The following XKR9 variants were observed in gnomAD, a reference collection of about 807,000 sequenced individuals.
The protein encoded by XKR9 is XK related 9, also known as XK-related protein 9.
XKR9 carries 32 observed loss-of-function variants against 32.0 expected under a neutral mutation model. The observed-to-expected ratio is 1.00, with a 90% CI of 0.76 to 1.34. XKR9 has a LOEUF of 1.34. Among genes scored for constraint, XKR9 ranks in the 40% most tolerant of loss-of-function variants. The pLI is 0.00. For missense variants in XKR9, 546 were observed against 429.7 expected, an observed-to-expected ratio of 1.27 and a Z score of -2.39; for synonymous variants, 168 against 143.4, an observed-to-expected ratio of 1.17 and a Z score of -1.22.
In XKR9 at chr8:70,735,018, C is replaced by T. The variant is rs1283909510; in HGVS notation, c.*594C>T. On this transcript the variant is annotated 3_prime_UTR_variant, in exon 5 of 5. Transcript: ENST00000408926. ...ATTTCCTAGCTTTTCTGAATTAATG[C>T]ACTCTTAACATATAATTATATTAAT... is the stretch of plus-strand genomic sequence containing the variant. 6.6e-6 allele frequency: 1 copy of T among 152,228 alleles called. No individual in the cohort carries two copies. Among genetic ancestry groups the T allele is most frequent in the Non-Finnish European group, 1.5e-5 (1 of 68,032 alleles). 9.4% of individuals were successfully genotyped at this position (152,228 alleles called of 1,614,324 possible).
the XKR9 span, among the ~76,000 whole-genome samples, chr8:71,038,463 G>A: frequency 4.6e-3 from 700 of 151,286 alleles, 10 homozygotes; most frequent in African/African-American, 0.016. Context: ...TGGAATTACA[G>A]GCACACACCA....
chr8:70,774,293 A>T (rs1563476372), intron 2 of XKR9, among the ~76,000 whole-genome samples: 2 of 152,110 alleles, frequency 1.3e-5, no homozygotes, highest in South Asian at 2.1e-4. Context: ...ATTTAATTTA[A>T]TTTTTTAACA....
At chr8:70,699,681 G>A (rs555273319) in intron 3 of XKR9, among the ~76,000 whole-genome samples, 2 of 152,236 alleles carry the variant, frequency 1.3e-5, no homozygotes, top group African/African-American at 4.8e-5. Context: ...TCTTCTCGAG[G>A]AGTATCTTTG....
chr8:71,036,136 C>T, the XKR9 span, among the ~76,000 whole-genome samples: 2 of 152,144 alleles, frequency 1.3e-5, no homozygotes, highest in African/African-American at 4.8e-5. Flanking sequence ...ATATGAAATA[C>T]ATTTATATGT....
chr8:70,748,240 A>G (rs1474745066), intron 2 of XKR9, among the ~76,000 whole-genome samples: 1 of 152,128 alleles, frequency 6.6e-6, no homozygotes, highest in Non-Finnish European at 1.5e-5. Flanking sequence ...CCTGCCCCCT[A>G]CTGAGTCAGT....
intron 3 of XKR9, among the ~76,000 whole-genome samples, chr8:70,702,125 C>A (rs911477563): frequency 1.3e-5 from 2 of 151,988 alleles, no homozygotes; most frequent in Admixed American, 6.6e-5. Context: ...ACCTATTTTT[C>A]AATTTAAAAC....
chr8:70,811,921 A>T, the XKR9 span, among the ~76,000 whole-genome samples: 1 of 152,016 alleles, frequency 6.6e-6, no homozygotes, highest in African/African-American at 2.4e-5. Context: ...AAAAGAGGGA[A>T]TCCTCCCTAA....
chr8:70,746,391 A>G (rs1807059502), intron 2 of XKR9, among the ~76,000 whole-genome samples: 1 of 147,562 alleles, frequency 6.8e-6, no homozygotes, highest in Admixed American at 6.8e-5. Context: ...ATATAATTAT[A>G]TACAAAACAA....
chr8:70,973,114 AT>A, the XKR9 span, among the ~76,000 whole-genome samples: 2 of 151,678 alleles, frequency 1.3e-5, no homozygotes, highest in South Asian at 4.2e-4. Context: ...TGTTGTTGGT[AT>A]TTTTTTAATT....
the XKR9 span, among the ~76,000 whole-genome samples, chr8:70,824,069 C>T: frequency 1.3e-5 from 2 of 152,126 alleles, no homozygotes; most frequent in Admixed American, 1.3e-4. Flanking sequence ...AGTTTGGTTA[C>T]AGTACTTTCT....
chr8:70,900,816 G>A, the XKR9 span, among the ~76,000 whole-genome samples: 12 of 151,532 alleles, frequency 7.9e-5, no homozygotes, highest in Admixed American at 4.6e-4. Flanking sequence ...CCCTACCCCC[G>A]ACCCCACTAC....
chr8:70,894,081 T>G, the XKR9 span, among the ~76,000 whole-genome samples: 1 of 151,930 alleles, frequency 6.6e-6, no homozygotes, highest in South Asian at 2.1e-4. Context: ...AACAGGTGTT[T>G]GGAATATTTG....
chr8:70,670,365 T>G (rs896064012), intron 1 of XKR9, among the ~76,000 whole-genome samples: 7 of 152,188 alleles, frequency 4.6e-5, no homozygotes, highest in African/African-American at 1.4e-4. Context: ...CAGTGTTAAC[T>G]ACAGCTTCCC....
At chr8:70,726,891 T>A (rs549313531) in intron 4 of XKR9, among the ~76,000 whole-genome samples, 141 of 152,282 alleles carry the variant, frequency 9.3e-4, no homozygotes, top group African/African-American at 3.3e-3. Context: ...CCTCCTCTCA[T>A]CAAACAAAGG....
At chr8:70,855,288 C>A in the XKR9 span, among the ~76,000 whole-genome samples, 1 of 152,016 alleles carries the variant, frequency 6.6e-6, no homozygotes, top group Non-Finnish European at 1.5e-5. Flanking sequence ...CTTAAAGGAC[C>A]TGATGGAGCT....
chr8:70,719,920 C>G (rs1414928073), intron 4 of XKR9, among the ~76,000 whole-genome samples: 1 of 152,184 alleles, frequency 6.6e-6, no homozygotes, highest in Non-Finnish European at 1.5e-5. Context: ...CTGAATCTTC[C>G]TATCCATGAG....
the XKR9 span, among the ~76,000 whole-genome samples, chr8:71,044,861 C>T: frequency 1.3e-5 from 2 of 152,258 alleles, no homozygotes; most frequent in East Asian, 1.9e-4. Context: ...TAAGTACAAC[C>T]AGCGTAGTTT....
the XKR9 span, among the ~76,000 whole-genome samples, chr8:70,841,328 T>A: frequency 6.6e-6 from 1 of 152,188 alleles, no homozygotes; most frequent in African/African-American, 2.4e-5. Context: ...TTCTGTGATT[T>A]TTCTGTTTAA....
At chr8:70,920,844 A>T in the XKR9 span, among the ~76,000 whole-genome samples, 6 of 152,072 alleles carry the variant, frequency 3.9e-5, no homozygotes, top group African/African-American at 1.2e-4. Context: ...TTTCTTTTTT[A>T]AATTAAAGCA....
Sources: allele counts gnomAD v4.1 joint callset (sites outside exome capture counted in the v4.1 genomes callset), GRCh38; gene constraint gnomAD v4.1.1; transcripts MANE v1.5; gene names NCBI Gene and HGNC (gene_info 2026-07-23, HGNC 2026-07-21).